The following CRCP variants were observed in gnomAD, a reference collection of about 807,000 sequenced individuals.
CRCP encodes the protein CGRP receptor component.
Under a neutral mutation model 18.5 loss-of-function variants are expected in CRCP, and 18 were observed. That is an observed-to-expected ratio of 0.97 (90% CI 0.67 to 1.44). The LOEUF (loss-of-function observed/expected upper bound fraction) is 1.44, where lower values mean the gene tolerates loss of function less well. Among genes scored for constraint, CRCP ranks in the 40% most tolerant of loss-of-function variants. CRCP has a pLI of 0.00. For missense variants in CRCP, 130 were observed against 176.4 expected, an observed-to-expected ratio of 0.74 and a Z score of 1.49; for synonymous variants, 53 against 62.9, an observed-to-expected ratio of 0.84 and a Z score of 0.75.
At chr7:66,127,010 A>C (rs1787635193) in intron 1 of CRCP, among the ~76,000 whole-genome samples, 1 of 152,256 alleles carries the variant, frequency 6.6e-6, no homozygotes, top group South Asian at 2.1e-4. Flanking sequence ...AGGAAAACTT[A>C]AGGAGTAATT....
intron 2 of CRCP, among the ~76,000 whole-genome samples, chr7:66,128,144 A>T (rs1787672822): frequency 6.6e-6 from 1 of 152,018 alleles, no homozygotes; most frequent in Admixed American, 6.6e-5. Context: ...AAAGAAAGAA[A>T]AAGAAAAAAG....
chr7:66,133,409 G>A (rs1442272270), intron 3 of CRCP, among the ~76,000 whole-genome samples: 1 of 152,092 alleles, frequency 6.6e-6, no homozygotes, highest in Non-Finnish European at 1.5e-5. Context: ...TTGGGAGGCT[G>A]AAGCAGGAGA....
At chr7:66,144,825 G>A (rs1207664631) in intron 4 of CRCP, among the ~76,000 whole-genome samples, 4 of 152,166 alleles carry the variant, frequency 2.6e-5, no homozygotes, top group Non-Finnish European at 5.9e-5. Context: ...GATGAAGAAA[G>A]CATTATTTTC....
chr7:66,142,356 T>G (rs1788165767), intron 4 of CRCP, among the ~76,000 whole-genome samples: 1 of 152,154 alleles, frequency 6.6e-6, no homozygotes, highest in South Asian at 2.1e-4. Context: ...TGGAGCTGCT[T>G]TTTTACTTCT....
At chr7:66,149,886 A>T (rs1264078528) in intron 5 of CRCP, among the ~76,000 whole-genome samples, 1 of 151,964 alleles carries the variant, frequency 6.6e-6, no homozygotes. Flanking sequence ...GGCTTACTAC[A>T]ACCTCTGCCT....
At chr7:66,137,169 CA>C (rs1562768067) in intron 4 of CRCP, among the ~76,000 whole-genome samples, 2 of 151,950 alleles carry the variant, frequency 1.3e-5, no homozygotes, top group African/African-American at 4.8e-5. Flanking sequence ...TCCATGAAAA[CA>C]GTGTAGCATA....
chr7:66,123,541 G>C (rs530992117), intron 1 of CRCP, among the ~76,000 whole-genome samples: 1 of 152,166 alleles, frequency 6.6e-6, no homozygotes, highest in East Asian at 2.0e-4. Context: ...CTGAGGTCAG[G>C]AGTTTGAGAC....
At position 66,152,839 on chromosome 7, in the gene CRCP, C is replaced by G. The variant is rs1788515662; in HGVS notation, c.*482C>G. 1 of 155,286 alleles carries G rather than the reference C, an allele frequency of 6.4e-6. No homozygotes were observed. Among genetic ancestry groups the G allele is most frequent in the African/African-American group, 2.4e-5 (1 of 41,468 alleles). The allele number at this position is 155,286 out of a possible 1,614,324, so 9.6% of individuals were successfully genotyped here. Reference sequence around the variant, plus strand: ...CCTTGGCTCACCTTAGAGGAATTTCCTCGAGAACAACAGAGATAAGAAAAG... The same window carrying G: ...CCTTGGCTCACCTTAGAGGAATTTCGTCGAGAACAACAGAGATAAGAAAAG... On this transcript the variant is annotated 3_prime_UTR_variant, in exon 6 of 6. Transcript: ENST00000395326.
intron 3 of CRCP, among the ~76,000 whole-genome samples, chr7:66,131,504 TTTG>T (rs201720921): frequency 1.3e-5 from 2 of 152,044 alleles, no homozygotes; most frequent in African/African-American, 4.8e-5. Context: ...CTGGCTATTT[TTTG>T]TTGTTGTTGT....
At chr7:66,143,261 A>G (rs570228207) in intron 4 of CRCP, among the ~76,000 whole-genome samples, 15 of 152,088 alleles carry the variant, frequency 9.9e-5, no homozygotes, top group African/African-American at 3.6e-4. Context: ...GTCTGCCTCC[A>G]TTTTCTTGGG....
intron 1 of CRCP, among the ~76,000 whole-genome samples, chr7:66,116,646 A>G (rs751359381): frequency 3.3e-5 from 5 of 152,142 alleles, no homozygotes; most frequent in African/African-American, 4.8e-5. Context: ...CTGTGAGCAT[A>G]CAACCCTGCT....
rs758219895 is a variant in CRCP at position 66,130,695 on chromosome 7, T to TA, written c.46-48dup. On this transcript the variant is annotated intron_variant, in intron 2 of 5. Coordinates refer to ENST00000395326, the MANE Select transcript of CRCP (RefSeq NM_014478.5). ...TTCAAAACCACTGACCTTGGATAGA[T>TA]ATATTTCTCAAATTTATTCATAAAC... The TA allele has an allele frequency of 6.3e-6, 7 of 1,105,056 alleles. No individual in the cohort carries two copies. In the Admixed American group the frequency reaches 1.2e-4, roughly 20 times the overall value. 68.5% of individuals were successfully genotyped at this position (1,105,056 alleles called of 1,614,324 possible). A position where few individuals can be genotyped will look rare whatever the true frequency, so the allele number is the denominator to read the frequency against.
At chr7:66,150,357 G>GTCTCAAAAAAAAAAAAC (rs1554334970) in intron 5 of CRCP, among the ~76,000 whole-genome samples, 6 of 14,952 alleles carry the variant, frequency 4.0e-4, no homozygotes, top group Non-Finnish European at 6.6e-4. Context: ...CAAGAGTGAA[G>GTCTCAAAAAAAAAAAAC]GGGGGGAGTT....
chr7:66,147,235 G>A (rs898224160), intron 5 of CRCP, among the ~76,000 whole-genome samples: 9 of 151,884 alleles, frequency 5.9e-5, no homozygotes, highest in South Asian at 2.1e-4. Flanking sequence ...CCAGCTACTT[G>A]GGAGGCTGAG....
At chr7:66,149,494 G>C (rs544506083) in intron 5 of CRCP, among the ~76,000 whole-genome samples, 341 of 152,242 alleles carry the variant, frequency 2.2e-3, no homozygotes, top group Non-Finnish European at 3.9e-3. Context: ...AATAAAGCAG[G>C]GAAAGGAGGG....
At chr7:66,140,005 A>G (rs1788086577) in intron 4 of CRCP, among the ~76,000 whole-genome samples, 1 of 152,234 alleles carries the variant, frequency 6.6e-6, no homozygotes. Context: ...CTTGGAGCAG[A>G]GCAGGGAAAG....
intron 2 of CRCP, among the ~76,000 whole-genome samples, chr7:66,127,975 G>A (rs1787665228): frequency 6.6e-6 from 1 of 151,966 alleles, no homozygotes; most frequent in Non-Finnish European, 1.5e-5. Flanking sequence ...AGCTGGGTGT[G>A]GTGGCACATG....
rs762644668 is a variant in CRCP at position 66,152,304 on chromosome 7, CAGA to C, written c.402_404del (p.Lys134del). ...TCTGCCTGCAGAGCCAGAGGCTGAGCAGAAGAAGAATACAAACAGCAATGTGGC... is the reference window on the plus strand; with the variant it reads ...TCTGCCTGCAGAGCCAGAGGCTGAGCAGAAGAATACAAACAGCAATGTGGC... On this transcript the variant is annotated inframe_deletion, in exon 6 of 6. Transcript: ENST00000395326. 1.7e-5 allele frequency: 28 copies of C among 1,614,098 alleles called. No individual in the cohort carries two copies. The highest frequency in any genetic ancestry group is 2.2e-5 in the South Asian group (2 of 91,078).
intron 5 of CRCP, among the ~76,000 whole-genome samples, chr7:66,148,672 A>G (rs1259244173): frequency 1.3e-5 from 2 of 152,098 alleles, no homozygotes; most frequent in Non-Finnish European, 2.9e-5. Context: ...CCGGTTGTGT[A>G]TTGATTTGGA....
Sources: allele counts gnomAD v4.1 joint callset (sites outside exome capture counted in the v4.1 genomes callset), GRCh38; gene constraint gnomAD v4.1.1; transcripts MANE v1.5; gene names NCBI Gene and HGNC (gene_info 2026-07-23, HGNC 2026-07-21).